The following INPP4B variants were observed in gnomAD, a reference collection of about 807,000 sequenced individuals.
INPP4B encodes inositol polyphosphate 4-phosphatase type II.
A neutral mutation model predicts 122.5 loss-of-function variants in INPP4B; 55 were observed. That is an observed-to-expected ratio of 0.45 (90% CI 0.36 to 0.56). The LOEUF (loss-of-function observed/expected upper bound fraction) is 0.56, where lower values mean the gene tolerates loss of function less well. INPP4B is among the 20% of genes least tolerant of loss of function. The pLI, the probability that INPP4B is intolerant of heterozygous loss-of-function variation, is 0.00. For synonymous variants in INPP4B, 403 were observed against 388.7 expected (o/e 1.04, Z -0.43); for missense variants, 1,000 against 1,097.7 (o/e 0.91, Z 1.26).
At chr4:142,513,256 C>T (rs1157099012) in intron 2 of INPP4B, among the ~76,000 whole-genome samples, 4 of 152,238 alleles carry the variant, frequency 2.6e-5, no homozygotes, top group Non-Finnish European at 4.4e-5. Flanking sequence ...TACTGGGTGG[C>T]TTATGAAAAA....
At chr4:142,403,892 T>A (rs1312704161) in intron 6 of INPP4B, among the ~76,000 whole-genome samples, 2 of 152,152 alleles carry the variant, frequency 1.3e-5, no homozygotes, top group Non-Finnish European at 2.9e-5. Context: ...CATGTTCAAG[T>A]ACAATATTTT....
At chr4:142,418,623 T>C (rs946782149) in intron 5 of INPP4B, among the ~76,000 whole-genome samples, 12 of 152,042 alleles carry the variant, frequency 7.9e-5, no homozygotes, top group African/African-American at 2.9e-4. Flanking sequence ...AGGAACCAGC[T>C]AAGGGGGGAC....
In INPP4B at chr4:142,793,922, G is replaced by GATTC. The variant is rs1275772894; in HGVS notation, c.-254+52286_-254+52287insGAAT. 5.4e-3 allele frequency among the ~76,000 whole-genome samples: 814 copies of GATTC among 152,032 alleles called. 4 individuals are homozygous for GATTC. Among genetic ancestry groups the GATTC allele is most frequent in the African/African-American group, 0.018 (727 of 41,486 alleles). ...AATATTAAAGGAAACTAAACAAATG[G>GATTC]ATAGATGTACCATATTCATATATTG... On this transcript the variant is annotated intron_variant, in intron 1 of 25. Coordinates refer to ENST00000262992, the MANE Select transcript of INPP4B (RefSeq NM_001101669.3).
intron 9 of INPP4B, among the ~76,000 whole-genome samples, chr4:142,284,408 C>T (rs1008648012): frequency 6.6e-6 from 1 of 151,786 alleles, no homozygotes; most frequent in Non-Finnish European, 1.5e-5. Context: ...ACTTTAGAAA[C>T]GAAAAGGGAG....
chr4:142,796,556 A>G lies in INPP4B; in HGVS notation c.-254+49653T>C, dbSNP rs58098913. Among the ~76,000 whole-genome samples, 1,220 of 152,126 alleles carry G rather than the reference A, an allele frequency of 8.0e-3. 15 individuals carry two copies. The highest frequency in any genetic ancestry group is 0.028 in the African/African-American group (1,147 of 41,526). On this transcript the variant is annotated intron_variant, in intron 1 of 25. Coordinates refer to ENST00000262992, the MANE Select transcript of INPP4B (RefSeq NM_001101669.3). ...AAGAGGTAAAAAAGTCTGTCTGCAGAAAGGCTACCCATGGAGATCCCCTCT... is the reference window on the plus strand; with the variant it reads ...AAGAGGTAAAAAAGTCTGTCTGCAGGAAGGCTACCCATGGAGATCCCCTCT...
chr4:142,521,777 C>T (rs1219109567), intron 2 of INPP4B, among the ~76,000 whole-genome samples: 1 of 152,038 alleles, frequency 6.6e-6, no homozygotes, highest in Non-Finnish European at 1.5e-5. Flanking sequence ...ATTTTGTACA[C>T]ATTGTGAATT....
chr4:142,572,705 T>C (rs1047570187), intron 2 of INPP4B, among the ~76,000 whole-genome samples: 2 of 152,136 alleles, frequency 1.3e-5, no homozygotes, highest in African/African-American at 4.8e-5. Context: ...ATTAACTCTT[T>C]GATTAGATCC....
Position 142,270,702 on chromosome 4 carries a change from C to A in INPP4B, c.576G>T (p.Gly192=), listed in dbSNP as rs2150566690. The change falls in exon 10 of 26, where the codon GGG becomes GGT. Residue 192 remains glycine, a synonymous_variant. Transcript: ENST00000262992. ...SVVKMGEIED[G]EADHITTDVQ... ...CATCTGTGGTGATGTGGTCGGCTTCCCCATCCTCAATCTCCCCCATCTTCA... is the reference window on the plus strand; with the variant it reads ...CATCTGTGGTGATGTGGTCGGCTTCACCATCCTCAATCTCCCCCATCTTCA... 2 of 1,613,570 alleles carry A rather than the reference C, an allele frequency of 1.2e-6. No homozygotes were observed. Among genetic ancestry groups the A allele is most frequent in the African/African-American group, 2.7e-5 (2 of 74,962 alleles).
intron 25 of INPP4B, among the ~76,000 whole-genome samples, chr4:142,072,171 T>C (rs1315695588): frequency 6.6e-6 from 1 of 151,986 alleles, no homozygotes; most frequent in East Asian, 1.9e-4. Context: ...AAAGGATGAG[T>C]TCATGTCCTT....
Position 142,829,621 on chromosome 4 carries a change from A to G in INPP4B, c.-254+16588T>C, listed in dbSNP as rs536294115. Among the ~76,000 whole-genome samples the G allele has an allele frequency of 5.3e-5, 8 of 152,358 alleles. No individual in the cohort carries two copies. In the East Asian group the frequency reaches 1.3e-3, roughly 26 times the overall value. On this transcript the variant is annotated intron_variant, in intron 1 of 25. Transcript: ENST00000262992. Reference sequence around the variant, plus strand: ...CCAAAGAAATGGCAATTACACTGACAGTGAAATTCTTAATCGTAACAATAG... The same window carrying G: ...CCAAAGAAATGGCAATTACACTGACGGTGAAATTCTTAATCGTAACAATAG...
intron 25 of INPP4B, among the ~76,000 whole-genome samples, chr4:142,074,876 T>C (rs1188488506): frequency 1.3e-5 from 2 of 151,732 alleles, no homozygotes. Flanking sequence ...AATTCTAACA[T>C]AGATTTTCCT....
intron 1 of INPP4B, among the ~76,000 whole-genome samples, chr4:142,761,638 T>C (rs1771358799): frequency 6.6e-6 from 1 of 152,206 alleles, no homozygotes; most frequent in South Asian, 2.1e-4. Context: ...TGAAAGTCAT[T>C]GTCAAGTTGA....
intron 17 of INPP4B, among the ~76,000 whole-genome samples, chr4:142,158,777 T>C (rs905522214): frequency 6.7e-6 from 1 of 149,984 alleles, no homozygotes; most frequent in Admixed American, 6.7e-5. Context: ...AGAGGGACTA[T>C]TTTCAACAGG....
chr4:142,772,782 C>A (rs1015454077), intron 1 of INPP4B, among the ~76,000 whole-genome samples: 1 of 152,152 alleles, frequency 6.6e-6, no homozygotes, highest in Non-Finnish European at 1.5e-5. Context: ...TGGTGGCACA[C>A]GCCTGTAATC....
chr4:142,601,194 T>C (rs1013812892), intron 2 of INPP4B, among the ~76,000 whole-genome samples: 2 of 152,232 alleles, frequency 1.3e-5, no homozygotes, highest in South Asian at 2.1e-4. Flanking sequence ...AACCGGACTT[T>C]AGATCAAATA....
chr4:142,599,242 TCTGA>T (rs1035588689), intron 2 of INPP4B, among the ~76,000 whole-genome samples: 1 of 152,168 alleles, frequency 6.6e-6, no homozygotes, highest in Non-Finnish European at 1.5e-5. Flanking sequence ...TCAGCATCAG[TCTGA>T]CTGTCTGCTA....
intron 10 of INPP4B, among the ~76,000 whole-genome samples, chr4:142,261,319 C>T (rs768144968): frequency 1.2e-4 from 19 of 152,010 alleles, no homozygotes; most frequent in African/African-American, 3.9e-4. Flanking sequence ...AGGAGTTGGA[C>T]GAAATCTATT....
intron 10 of INPP4B, among the ~76,000 whole-genome samples, chr4:142,265,070 T>C (rs966246694): frequency 6.6e-6 from 1 of 151,898 alleles, no homozygotes; most frequent in African/African-American, 2.4e-5. Flanking sequence ...AAGGCAGCCA[T>C]CTGCAAGCCA....
chr4:142,708,303 C>T (rs1762693657), intron 2 of INPP4B, among the ~76,000 whole-genome samples: 1 of 152,080 alleles, frequency 6.6e-6, no homozygotes, highest in Non-Finnish European at 1.5e-5. Flanking sequence ...AAATAAAGAC[C>T]CATTTTCTGG....
Sources: allele counts gnomAD v4.1 joint callset (sites outside exome capture counted in the v4.1 genomes callset), GRCh38; gene constraint gnomAD v4.1.1; transcripts MANE v1.5; gene names NCBI Gene and HGNC (gene_info 2026-07-23, HGNC 2026-07-21).